PPP1R1C: variants seen among roughly 807,000 people sequenced by gnomAD.
PPP1R1C encodes the protein protein phosphatase 1 regulatory inhibitor subunit 1C, also known as protein phosphatase 1 regulatory subunit 1C.
In PPP1R1C, 15 loss-of-function variants were observed where a neutral mutation model predicts 17.4. The observed-to-expected ratio is 0.86, with a 90% CI of 0.58 to 1.33. The LOEUF is 1.33. Among genes scored for constraint, PPP1R1C ranks in the 40% most tolerant of loss-of-function variants. PPP1R1C has a pLI of 0.00. For missense variants in PPP1R1C, 143 were observed against 130.0 expected, an observed-to-expected ratio of 1.10 and a Z score of -0.48; for synonymous variants, 35 against 43.1, an observed-to-expected ratio of 0.81 and a Z score of 0.73.
chr2:181,961,337 G>T lies in PPP1R1C; in HGVS notation n.111+6703G>T. The stretch of plus-strand genomic sequence containing the variant: ...TTGAAGTCATCATCATCAAGCAGGC[G>T]GTGGTAGGTGGCGCTCTCAGCCTCC... On this transcript the variant is annotated intron_variant and non_coding_transcript_variant, in intron 1 of 5. Transcript: ENST00000464264. This position sits in a 1 kb window ranked among gnomAD's most constrained non-coding sequence, Gnocchi z 5.8. The T allele has an allele frequency of 4.2e-6, 3 of 719,728 alleles. No homozygotes were observed. The East Asian group carries it at 7.6e-5, about 18-fold the overall frequency. The allele number at this position is 719,728 out of a possible 1,614,324, so 44.6% of individuals were successfully genotyped here.
At chr2:182,051,932 T>G (rs2701668) in intron 2 of PPP1R1C, among the ~76,000 whole-genome samples, 6,484 of 151,836 alleles carry the variant, frequency 0.043, 421 homozygotes, top group Admixed American at 0.18. Context: ...ACCAGGAGGC[T>G]GAGGTTGCAG....
At chr2:182,080,605 A>T (rs1327533977) in intron 4 of PPP1R1C, among the ~76,000 whole-genome samples, 1 of 152,214 alleles carries the variant, frequency 6.6e-6, no homozygotes, top group Non-Finnish European at 1.5e-5. Flanking sequence ...TATTTCCTCT[A>T]ATTCAGACTA....
At chr2:182,113,918 A>C (rs1689510144) in intron 4 of PPP1R1C, among the ~76,000 whole-genome samples, 1 of 152,186 alleles carries the variant, frequency 6.6e-6, no homozygotes, top group African/African-American at 2.4e-5. Flanking sequence ...TTCAGTATTC[A>C]AAATTCTTCA....
At chr2:182,086,316 T>C (rs1688627223) in intron 4 of PPP1R1C, among the ~76,000 whole-genome samples, 1 of 152,118 alleles carries the variant, frequency 6.6e-6, no homozygotes. Flanking sequence ...AAAAGTTAAA[T>C]CTCATTTATA....
At chr2:181,993,395 A>C (rs1171441328) in intron 2 of PPP1R1C, among the ~76,000 whole-genome samples, 1 of 152,162 alleles carries the variant, frequency 6.6e-6, no homozygotes, top group East Asian at 1.9e-4. Flanking sequence ...TATCAGGCCC[A>C]GATCTTGAGG....
intron 4 of PPP1R1C, among the ~76,000 whole-genome samples, chr2:182,091,115 G>T (rs948893224): frequency 6.6e-6 from 1 of 152,082 alleles, no homozygotes; most frequent in Non-Finnish European, 1.5e-5. Flanking sequence ...AAATTACCTT[G>T]AGCAAATAAT....
intron 4 of PPP1R1C, among the ~76,000 whole-genome samples, chr2:182,112,113 G>A (rs553057509): frequency 5.9e-5 from 9 of 152,106 alleles, no homozygotes; most frequent in East Asian, 1.9e-4. Context: ...GCACACCATC[G>A]CCTTTTGGCT....
chr2:182,039,990 C>G (rs981702576), intron 2 of PPP1R1C, among the ~76,000 whole-genome samples: 2 of 152,144 alleles, frequency 1.3e-5, no homozygotes, highest in African/African-American at 4.8e-5. Context: ...TTATTTCATT[C>G]TTTTTATAGC....
chr2:182,091,943 C>T (rs1041050539), intron 4 of PPP1R1C, among the ~76,000 whole-genome samples: 2 of 152,044 alleles, frequency 1.3e-5, no homozygotes, highest in Admixed American at 6.6e-5. Context: ...ATATTTTAAG[C>T]CCCTAGAACA....
At chr2:182,131,366 A>G (rs1690004875), downstream of PPP1R1C, 1 of 152,182 alleles carries the variant, frequency 6.6e-6, no homozygotes, top group Admixed American at 6.5e-5. Context: ...GGAAATAAAA[A>G]AGAAGGTTTC....
chr2:182,040,220 A>T, intron 2 of PPP1R1C, among the ~76,000 whole-genome samples: 1 of 152,206 alleles, frequency 6.6e-6, no homozygotes, highest in East Asian at 1.9e-4. Context: ...TCCTTTGAGA[A>T]TACTCCATAC....
intron 4 of PPP1R1C, among the ~76,000 whole-genome samples, chr2:182,079,418 T>C (rs1688407556): frequency 6.6e-6 from 1 of 152,200 alleles, no homozygotes; most frequent in Non-Finnish European, 1.5e-5. Context: ...ATACACAGGT[T>C]AGGTCATTCT....
intron 2 of PPP1R1C, among the ~76,000 whole-genome samples, chr2:182,034,482 G>T (rs956449997): frequency 6.6e-6 from 1 of 151,972 alleles, no homozygotes; most frequent in Non-Finnish European, 1.5e-5. Flanking sequence ...ACAAAAAGAA[G>T]GTCATTGAGG....
At chr2:182,079,274 A>G (rs954241273) in intron 4 of PPP1R1C, among the ~76,000 whole-genome samples, 8 of 152,234 alleles carry the variant, frequency 5.3e-5, no homozygotes, top group Non-Finnish European at 1.2e-4. Flanking sequence ...TTAGTATATT[A>G]GGTTTTGACA....
chr2:182,123,411 C>T (rs1435014019), intron 5 of PPP1R1C, among the ~76,000 whole-genome samples: 1 of 152,162 alleles, frequency 6.6e-6, no homozygotes, highest in East Asian at 1.9e-4. Context: ...GGTTCTAGAT[C>T]CTTGAGAAAT....
At chr2:182,002,055 T>C (rs529566034) in intron 2 of PPP1R1C, among the ~76,000 whole-genome samples, 2 of 152,156 alleles carry the variant, frequency 1.3e-5, no homozygotes, top group Non-Finnish European at 2.9e-5. Flanking sequence ...TGCGTATCAT[T>C]GTGGACATAT....
chr2:182,008,080 C>T (rs371906352), intron 2 of PPP1R1C, among the ~76,000 whole-genome samples: 57 of 25,742 alleles, frequency 2.2e-3, no homozygotes, highest in Non-Finnish European at 6.6e-3. Flanking sequence ...AAAAAACAAA[C>T]AAATAAATAA....
At chr2:181,981,159 A>G (rs542296768), upstream of PPP1R1C, among the ~76,000 whole-genome samples, 365 of 151,730 alleles carry the variant, frequency 2.4e-3, no homozygotes, top group African/African-American at 8.5e-3. Context: ...CGATCTCCTG[A>G]CCTCGTGATC....
At chr2:182,110,730 G>T (rs1299364619) in intron 4 of PPP1R1C, among the ~76,000 whole-genome samples, 1 of 152,094 alleles carries the variant, frequency 6.6e-6, no homozygotes, top group Non-Finnish European at 1.5e-5. Flanking sequence ...GACTCCTGCT[G>T]ATCGATGCAT....
Sources: gnomAD v4.1 joint callset for allele counts (sites outside exome capture counted in the v4.1 genomes callset) on GRCh38, gnomAD v4.1.1 for gene constraint, Gnocchi (gnomAD v3.1) non-coding constraint, MANE v1.5 for transcripts, NCBI Gene and HGNC (gene_info 2026-07-23, HGNC 2026-07-21) for gene names.